The following ABHD2 variants were observed in gnomAD, a reference collection of about 807,000 sequenced individuals.
ABHD2 encodes the protein abhydrolase domain containing 2, acylglycerol lipase, also known as monoacylglycerol lipase ABHD2.
A neutral mutation model predicts 48.1 loss-of-function variants in ABHD2; 20 were observed. The ratio of observed to expected loss-of-function variants is 0.42; its 90% CI spans 0.29 to 0.60. The LOEUF is 0.60. ABHD2 is among the 20% of genes least tolerant of loss of function. The pLI is 0.24. For synonymous variants in ABHD2, 209 were observed against 214.2 expected (o/e 0.98, Z 0.21); for missense variants, 405 against 550.9 (o/e 0.74, Z 2.65).
rs577931397 is a variant in ABHD2, at chr15:89,088,479, T to C, written c.-191T>C. On this transcript the variant is annotated 5_prime_UTR_variant, in exon 1 of 11. Transcript: ENST00000352732. The surrounding 1 kb of genome is among the most constrained non-coding windows in gnomAD (Gnocchi z 6.8). ...CTGCACTGGCCAGGGGTTCCGGCTGTATATCCATGAGCGCCGCTGGCAGCC... is the reference window on the plus strand; with the variant it reads ...CTGCACTGGCCAGGGGTTCCGGCTGCATATCCATGAGCGCCGCTGGCAGCC... 164 of 152,728 alleles carry C rather than the reference T, an allele frequency of 1.1e-3. 1 individual carries two copies. Among genetic ancestry groups the C allele is most frequent in the Middle Eastern group, 6.3e-3 (2 of 318 alleles). 9.5% of individuals were successfully genotyped at this position (152,728 alleles called of 1,614,324 possible).
chr15:89,158,912 C>T (rs531401091), intron 5 of ABHD2, among the ~76,000 whole-genome samples: 1 of 151,992 alleles, frequency 6.6e-6, no homozygotes, highest in East Asian at 2.0e-4. Context: ...GATCCACCCA[C>T]TTCGCCCTCC....
chr15:89,081,680 A>G, the ABHD2 span, among the ~76,000 whole-genome samples: 1 of 152,120 alleles, frequency 6.6e-6, no homozygotes, highest in African/African-American at 2.4e-5. Flanking sequence ...CAGCCTGGCC[A>G]CTAAAAACAC....
chr15:89,126,897 G>A (rs186234018), intron 3 of ABHD2, among the ~76,000 whole-genome samples: 80 of 152,316 alleles, frequency 5.3e-4, no homozygotes, highest in African/African-American at 1.9e-3. Context: ...TTATTAGATG[G>A]TGTAATGTTT....
At chr15:89,181,837 T>A (rs1405168623) in intron 6 of ABHD2, among the ~76,000 whole-genome samples, 2 of 152,258 alleles carry the variant, frequency 1.3e-5, no homozygotes, top group South Asian at 2.1e-4. Context: ...TTGGCTCAGC[T>A]CTTCCTTGCC....
chr15:89,067,205 A>T, the ABHD2 span, among the ~76,000 whole-genome samples: 16 of 152,338 alleles, frequency 1.1e-4, no homozygotes, highest in African/African-American at 3.9e-4. Flanking sequence ...GGAGCTCTGG[A>T]AGCCCACACT....
chr15:89,186,740 T>A lies in ABHD2; in HGVS notation c.815+1224T>A, dbSNP rs369612537. Among the ~76,000 whole-genome samples, 1 of 152,056 alleles carries A rather than the reference T, an allele frequency of 6.6e-6. No homozygotes were observed. The highest frequency in any genetic ancestry group is 1.5e-5 in the Non-Finnish European group (1 of 67,994). On this transcript the variant is annotated intron_variant, in intron 7 of 10. Coordinates refer to ENST00000352732, the MANE Select transcript of ABHD2 (RefSeq NM_152924.5). The surrounding 1 kb of genome is among the most constrained non-coding windows in gnomAD (Gnocchi z 4.3). ...CGTTCGCTCAAAAAAATTTGGGGGATTTTTGGTATCACCCTAGAAAAAGCA... is the reference window on the plus strand; with the variant it reads ...CGTTCGCTCAAAAAAATTTGGGGGAATTTTGGTATCACCCTAGAAAAAGCA...
rs1326877049 is a variant in ABHD2 at position 89,092,987 on chromosome 15, G to A, written c.-107+4424G>A. ...GGGGAGGTGCAGGGGAGCTTCTAAAGGTCAGCTGAGAAGGGAGAGCTGGGG... is the reference window on the plus strand; with the variant it reads ...GGGGAGGTGCAGGGGAGCTTCTAAAAGTCAGCTGAGAAGGGAGAGCTGGGG... On this transcript the variant is annotated intron_variant, in intron 1 of 10. Transcript: ENST00000352732. This position sits in a 1 kb window ranked among gnomAD's most constrained non-coding sequence, Gnocchi z 4.4. Among the ~76,000 whole-genome samples, 1 of 152,048 alleles carries A rather than the reference G, an allele frequency of 6.6e-6. No individual in the cohort carries two copies. Among genetic ancestry groups the A allele is most frequent in the East Asian group, 1.9e-4 (1 of 5,192 alleles).
intron 7 of ABHD2, among the ~76,000 whole-genome samples, chr15:89,187,530 A>G (rs763137939): frequency 2.0e-5 from 3 of 152,192 alleles, no homozygotes; most frequent in Non-Finnish European, 4.4e-5. Flanking sequence ...TGTGTGACTG[A>G]GAGCCCTTGC....
chr15:89,140,673 CCT>C (rs1555429578), intron 3 of ABHD2, among the ~76,000 whole-genome samples: 1 of 152,134 alleles, frequency 6.6e-6, no homozygotes. Flanking sequence ...ACAGGCCCCC[CCT>C]GTGTGTGATC....
At chr15:89,192,062 C>G (rs1042199756) in intron 9 of ABHD2, among the ~76,000 whole-genome samples, 8 of 152,216 alleles carry the variant, frequency 5.3e-5, no homozygotes, top group African/African-American at 1.9e-4. Flanking sequence ...ACAAGCCAGT[C>G]CCTCTCATTC....
chr15:89,153,208 C>T (rs1435454289), intron 4 of ABHD2, among the ~76,000 whole-genome samples: 1 of 152,218 alleles, frequency 6.6e-6, no homozygotes, highest in Non-Finnish European at 1.5e-5. Flanking sequence ...TCACGACTTC[C>T]TGCTTTAGTT....
At chr15:89,107,289 A>G (rs2049801481) in intron 1 of ABHD2, among the ~76,000 whole-genome samples, 1 of 152,288 alleles carries the variant, frequency 6.6e-6, no homozygotes, top group South Asian at 2.1e-4. Flanking sequence ...TAAGTCTAAC[A>G]TGGTTCCATT....
intron 6 of ABHD2, among the ~76,000 whole-genome samples, chr15:89,183,810 G>A (rs2051160752): frequency 6.6e-6 from 1 of 152,196 alleles, no homozygotes; most frequent in African/African-American, 2.4e-5. Flanking sequence ...TCAGTTAGGA[G>A]GTCAGCAAAG....
the ABHD2 span, among the ~76,000 whole-genome samples, chr15:89,058,286 C>G: frequency 1.3e-5 from 2 of 152,202 alleles, no homozygotes. Context: ...CTCCAGCTCA[C>G]ACATCCAAGC....
chr15:89,093,771 G>A (rs886096136), intron 1 of ABHD2: 8 of 152,154 alleles, frequency 5.3e-5, no homozygotes, highest in African/African-American at 1.7e-4. Context: ...ACCTGGCCTC[G>A]CTAACAAAGG....
In ABHD2 at chr15:89,195,554, A is replaced by C; in HGVS notation, c.*131A>C. 2 of 932,702 alleles carry C rather than the reference A, an allele frequency of 2.1e-6. No homozygotes were observed. The highest frequency in any genetic ancestry group is 3.1e-6 in the Non-Finnish European group (2 of 646,712). The allele number at this position is 932,702 out of a possible 1,614,324, so 57.8% of individuals were successfully genotyped here. A position where few individuals can be genotyped will look rare whatever the true frequency, so the allele number is the denominator to read the frequency against. On this transcript the variant is annotated 3_prime_UTR_variant, in exon 11 of 11. Coordinates refer to ENST00000352732, the MANE Select transcript of ABHD2 (RefSeq NM_152924.5). The surrounding 1 kb of genome is among the most constrained non-coding windows in gnomAD (Gnocchi z 5.1). ...ACACCATCAGCAGGGGGCACCCACC[A>C]TGCACACCTGTCTCGGAGTAGGCAG...
At chr15:89,125,882 G>A (rs1472399828) in intron 3 of ABHD2, among the ~76,000 whole-genome samples, 1 of 152,168 alleles carries the variant, frequency 6.6e-6, no homozygotes, top group Non-Finnish European at 1.5e-5. Flanking sequence ...GATACAGATT[G>A]TAGCTTCTTC....
the ABHD2 span, among the ~76,000 whole-genome samples, chr15:89,054,430 C>T: frequency 3.3e-5 from 5 of 152,132 alleles, no homozygotes; most frequent in South Asian, 6.2e-4. Flanking sequence ...CCTGTAATCC[C>T]GGCACTTTGG....
intron 9 of ABHD2, 72 bp downstream of exon 9, chr15:89,191,221 T>C: frequency 3.4e-6 from 5 of 1,460,952 alleles, no homozygotes; most frequent in Non-Finnish European, 4.7e-6. Context: ...CAGATACCTC[T>C]CCTGAATTTT....
Sources: allele counts gnomAD v4.1 joint callset (sites outside exome capture counted in the v4.1 genomes callset), GRCh38; gene constraint gnomAD v4.1.1; non-coding constraint Gnocchi (gnomAD v3.1); transcripts MANE v1.5; gene names NCBI Gene and HGNC (gene_info 2026-07-23, HGNC 2026-07-21).